Variants in CRISP1 observed in about 807,000 individuals in gnomAD.
The protein encoded by CRISP1 is cysteine rich secretory protein 1.
Under a neutral mutation model 33.1 loss-of-function variants are expected in CRISP1, and 44 were observed. The observed-to-expected ratio is 1.33, with a 90% confidence interval of 1.05 to 1.71. The LOEUF is 1.71. CRISP1 is among the 40% of genes most tolerant of loss of function. CRISP1 has a pLI of 0.00. For missense variants in CRISP1, 390 were observed against 301.2 expected (o/e 1.29, Z -2.18); for synonymous variants, 103 against 98.7 (o/e 1.04, Z -0.26).
intron 7 of CRISP1, 103 bp from the exon 8 acceptor site, chr6:49,835,546 C>A: frequency 3.7e-6 from 4 of 1,094,728 alleles, no homozygotes; most frequent in Non-Finnish European, 5.2e-6. Flanking sequence ...TTTTTATTAA[C>A]AATTGCTAAC....
intron 3 of CRISP1, among the ~76,000 whole-genome samples, chr6:49,849,266 C>G (rs1771276754): frequency 6.6e-6 from 1 of 152,150 alleles, no homozygotes; most frequent in Non-Finnish European, 1.5e-5. Context: ...TATCTGAGTT[C>G]CTTTGTCAGG....
At chr6:49,846,170 C>T (rs62404902) in intron 5 of CRISP1, among the ~76,000 whole-genome samples, 14,724 of 152,136 alleles carry the variant, frequency 0.097, 994 homozygotes, top group Non-Finnish European at 0.15. Context: ...AAATGTATAT[C>T]TTACCACAAT....
chr6:49,840,761 C>T, intron 6 of CRISP1, 137 bp downstream of exon 6: 2 of 603,516 alleles, frequency 3.3e-6, no homozygotes, highest in Non-Finnish European at 5.8e-6. Flanking sequence ...CTTTGAAGGA[C>T]ATCTGGGTTA....
At chr6:49,862,418 TAC>T (rs1010002469) in intron 1 of CRISP1, among the ~76,000 whole-genome samples, 2 of 151,940 alleles carry the variant, frequency 1.3e-5, no homozygotes, top group Non-Finnish European at 2.9e-5. Flanking sequence ...AATATATATA[TAC>T]ACACACACAA....
intron 1 of CRISP1, among the ~76,000 whole-genome samples, chr6:49,859,414 AG>A (rs1232795686): frequency 2.0e-5 from 3 of 151,862 alleles, no homozygotes; most frequent in African/African-American, 7.3e-5. Context: ...AAAAAAAAAA[AG>A]AAACATCCAC....
At chr6:49,864,775 G>A (rs910958475) in intron 1 of CRISP1, among the ~76,000 whole-genome samples, 1 of 151,932 alleles carries the variant, frequency 6.6e-6, no homozygotes, top group Admixed American at 6.6e-5. Context: ...TTATTCGCTT[G>A]TATGAATTCT....
At chr6:49,847,030 A>G (rs557157166) in intron 4 of CRISP1, among the ~76,000 whole-genome samples, 2 of 152,264 alleles carry the variant, frequency 1.3e-5, no homozygotes, top group East Asian at 3.9e-4. Context: ...TCATAATACA[A>G]AGATGTTGAA....
At chr6:49,861,749 G>A (rs961192310) in intron 1 of CRISP1, among the ~76,000 whole-genome samples, 2 of 152,014 alleles carry the variant, frequency 1.3e-5, no homozygotes, top group African/African-American at 4.8e-5. Context: ...TCAAGGCATG[G>A]TGGCACGCAC....
At chr6:49,844,258 G>A (rs1771085808) in intron 5 of CRISP1, among the ~76,000 whole-genome samples, 1 of 152,202 alleles carries the variant, frequency 6.6e-6, no homozygotes, top group African/African-American at 2.4e-5. Context: ...GTGTGATTAT[G>A]CAGTGGAGGT....
chr6:49,851,289 A>C (rs1289838125), intron 3 of CRISP1, among the ~76,000 whole-genome samples: 3 of 152,146 alleles, frequency 2.0e-5, no homozygotes, highest in Non-Finnish European at 4.4e-5. Context: ...AGGCCGGTCC[A>C]GGGTTCAAGG....
chr6:49,844,048 G>A (rs1771078510), intron 5 of CRISP1, among the ~76,000 whole-genome samples: 1 of 152,144 alleles, frequency 6.6e-6, no homozygotes, highest in Admixed American at 6.6e-5. Flanking sequence ...CCTACAAGAG[G>A]AGAGCAAGCA....
intron 3 of CRISP1, among the ~76,000 whole-genome samples, chr6:49,851,225 T>A (rs750098653): frequency 6.6e-6 from 1 of 152,124 alleles, no homozygotes; most frequent in Non-Finnish European, 1.5e-5. Context: ...AAGAGAAAGG[T>A]GCTCCTTAGA....
intron 5 of CRISP1, among the ~76,000 whole-genome samples, chr6:49,844,291 G>T (rs1284388966): frequency 1.3e-5 from 2 of 152,250 alleles, no homozygotes; most frequent in East Asian, 3.9e-4. Context: ...AACTAAAGTG[G>T]ACAGAGAAAA....
At chr6:49,849,501 A>G (rs1322976836) in intron 3 of CRISP1, among the ~76,000 whole-genome samples, 1 of 152,170 alleles carries the variant, frequency 6.6e-6, no homozygotes, top group Non-Finnish European at 1.5e-5. Context: ...CTTCCCAGGC[A>G]ATGGGCAATA....
Position 49,835,328 on chromosome 6 carries a change from A to G in CRISP1, c.738T>C (p.Thr246=). The G allele has an allele frequency of 6.2e-7, 1 of 1,613,620 alleles. No homozygotes were observed. Among genetic ancestry groups the G allele is most frequent in the Non-Finnish European group, 8.5e-7 (1 of 1,179,726 alleles). ...LFCKATCLCD[T]EIK ...AAATAACAAAGACCTATTTTATCTC[A>G]GTGTCACACAGACAAGTGGCTTTAC... is the stretch of plus-strand genomic sequence containing the variant. Residue 246 remains threonine (T), a synonymous_variant, in exon 8 of 8, where the codon ACT becomes ACC. Coordinates refer to ENST00000335847, the MANE Select transcript of CRISP1 (RefSeq NM_001131.3).
At chr6:49,859,003 A>G (rs1337591340) in intron 1 of CRISP1, among the ~76,000 whole-genome samples, 1 of 152,184 alleles carries the variant, frequency 6.6e-6, no homozygotes, top group Admixed American at 6.5e-5. Flanking sequence ...ACTGACTGGG[A>G]GCCTGGAAAG....
chr6:49,844,335 TA>T (rs1204517629), intron 5 of CRISP1, among the ~76,000 whole-genome samples: 1 of 152,152 alleles, frequency 6.6e-6, no homozygotes, highest in East Asian at 1.9e-4. Context: ...TCCGACTTCT[TA>T]GACTCTTCAG....
In CRISP1 at chr6:49,835,257, A is replaced by G. The variant is rs1217300431; in HGVS notation, c.*59T>C. On this transcript the variant is annotated 3_prime_UTR_variant, in exon 8 of 8. Coordinates refer to ENST00000335847, the MANE Select transcript of CRISP1 (RefSeq NM_001131.3). ...TACTGAACTATAGCAAAAGACATGA[A>G]TCCAACAGACATCTCCTCCTCATCG... 1 of 1,572,900 alleles carries G rather than the reference A, an allele frequency of 6.4e-7. No individual in the cohort carries two copies. The highest frequency in any genetic ancestry group is 8.7e-7 in the Non-Finnish European group (1 of 1,155,594).
intron 1 of CRISP1, among the ~76,000 whole-genome samples, chr6:49,875,584 T>C (rs1772017484): frequency 1.3e-5 from 2 of 152,074 alleles, no homozygotes; most frequent in Admixed American, 6.6e-5. Context: ...AGACCCCAAA[T>C]AGCCAAGAAA....
Sources: gnomAD v4.1 joint callset for allele counts (sites outside exome capture counted in the v4.1 genomes callset) on GRCh38, gnomAD v4.1.1 for gene constraint, MANE v1.5 for transcripts, NCBI Gene and HGNC (gene_info 2026-07-23, HGNC 2026-07-21) for gene names.